CCNY: variants seen among roughly 807,000 people sequenced by gnomAD.
The protein encoded by CCNY is cyclin Y.
In CCNY, 19 loss-of-function variants were observed where a neutral mutation model predicts 42.8. The observed-to-expected ratio is 0.44, with a 90% CI of 0.31 to 0.65. CCNY has a LOEUF of 0.65. Among genes scored for constraint, CCNY ranks in the 30% least tolerant of loss-of-function variants. The probability of loss-of-function intolerance (pLI) is 0.07; values close to 1 mark genes in which losing one functional copy is unlikely to be tolerated. For missense variants in CCNY, 370 were observed against 437.3 expected (o/e 0.85, Z 1.37); for synonymous variants, 165 against 162.7 (o/e 1.01, Z -0.11).
rs558397935 is a variant in CCNY at position 35,518,582 on chromosome 10, T to C, written c.365+1959T>C. On this transcript the variant is annotated intron_variant, in intron 4 of 9. Coordinates refer to ENST00000374704, the MANE Select transcript of CCNY (RefSeq NM_145012.6). ...AGATCTTGATTGAATCTGGCTGAGG[T>C]ATGCTGTGAGTATCTGGATTTTTAA... is the stretch of plus-strand genomic sequence containing the variant. Among the ~76,000 whole-genome samples, 639 of 117,012 alleles carry C rather than the reference T, an allele frequency of 5.5e-3. 1 individual carries two copies. The highest frequency in any genetic ancestry group is 8.9e-3 in the Admixed American group (108 of 12,128). 76.8% of individuals were successfully genotyped at this position (117,012 alleles called of 152,430 possible). A position where few individuals can be genotyped will look rare whatever the true frequency, so the allele number is the denominator to read the frequency against.
chr10:35,273,361 C>T (rs1486509725), intron 3 of CCNY, among the ~76,000 whole-genome samples: 1 of 152,004 alleles, frequency 6.6e-6, no homozygotes, highest in East Asian at 1.9e-4. Context: ...ACCACCATGC[C>T]CGGCTCATTT....
intron 3 of CCNY, among the ~76,000 whole-genome samples, chr10:35,290,426 A>T (rs569125828): frequency 2.0e-5 from 3 of 152,250 alleles, no homozygotes; most frequent in African/African-American, 7.2e-5. Context: ...AAAAAAAAAA[A>T]AATCATAAAA....
At chr10:35,254,991 G>A (rs2095714494) in intron 3 of CCNY, among the ~76,000 whole-genome samples, 1 of 152,128 alleles carries the variant, frequency 6.6e-6, no homozygotes, top group Non-Finnish European at 1.5e-5. Flanking sequence ...TCGACTGTTG[G>A]GTTGTGGCCT....
rs575541851 is a variant in CCNY, at chr10:35,415,228, G to A, written c.155-68176G>A. Among the ~76,000 whole-genome samples the A allele has an allele frequency of 9.5e-4, 144 of 152,250 alleles. 1 individual carries two copies. The South Asian group carries it at 0.012, about 13-fold the overall frequency. ...TGGTCCTCAGAGGAGATGGAGCCCA[G>A]TCCTCAGGGCAGAAAGACTTTTGGG... is the stretch of plus-strand genomic sequence containing the variant. On this transcript the variant is annotated intron_variant, in intron 1 of 9. Coordinates refer to ENST00000374704, the MANE Select transcript of CCNY (RefSeq NM_145012.6).
At chr10:35,463,636 C>T (rs964211946) in intron 1 of CCNY, among the ~76,000 whole-genome samples, 1 of 152,186 alleles carries the variant, frequency 6.6e-6, no homozygotes, top group Non-Finnish European at 1.5e-5. Context: ...AAACAACTGT[C>T]AGGCAGAACT....
intron 3 of CCNY, among the ~76,000 whole-genome samples, chr10:35,259,303 T>C (rs2095717688): frequency 6.6e-6 from 1 of 152,032 alleles, no homozygotes; most frequent in Non-Finnish European, 1.5e-5. Flanking sequence ...GGCCTTGACT[T>C]CCTAGGGTCA....
chr10:35,386,303 T>C (rs1837299041), intron 1 of CCNY, among the ~76,000 whole-genome samples: 2 of 152,210 alleles, frequency 1.3e-5, no homozygotes, highest in South Asian at 4.1e-4. Context: ...AGGTCCAGAA[T>C]GGAAAGGGAT....
rs368794235 is a variant in CCNY at position 35,277,197 on chromosome 10, G to A, written c.-9+26571G>A. ...ACTGGTCTTGTTGCCAGGAGAGGAA[G>A]AGAGGGTGATCCTGAGGGTTGCAAC... On this transcript the variant is annotated intron_variant, in intron 3 of 11. Coordinates refer to the CCNY transcript ENST00000374706. Among the ~76,000 whole-genome samples the A allele has an allele frequency of 1.6e-4, 25 of 152,344 alleles. No individual in the cohort carries two copies. In the East Asian group the frequency reaches 3.3e-3, roughly 20 times the overall value.
At chr10:35,466,284 G>A (rs945275910) in intron 1 of CCNY, among the ~76,000 whole-genome samples, 2 of 152,112 alleles carry the variant, frequency 1.3e-5, no homozygotes, top group Non-Finnish European at 2.9e-5. Context: ...TGACACTTGA[G>A]GTGAGAGCCA....
chr10:35,458,680 A>G (rs1186131212), intron 1 of CCNY, among the ~76,000 whole-genome samples: 1 of 152,206 alleles, frequency 6.6e-6, no homozygotes, highest in East Asian at 1.9e-4. Flanking sequence ...CCGCATCTGT[A>G]GCCTCAGCTG....
At chr10:35,332,601 A>G (rs1168649193), upstream of CCNY, among the ~76,000 whole-genome samples, 2 of 152,206 alleles carry the variant, frequency 1.3e-5, no homozygotes, top group Non-Finnish European at 2.9e-5. Context: ...TGACTTAGCT[A>G]TAGTTCATCT....
At chr10:35,362,923 C>T (rs778920678) in intron 1 of CCNY, among the ~76,000 whole-genome samples, 11 of 151,054 alleles carry the variant, frequency 7.3e-5, no homozygotes, top group Non-Finnish European at 1.2e-4. Context: ...CGGACAGAGG[C>T]GATCCTCACT....
chr10:35,474,949 T>TAA (rs938455329), intron 1 of CCNY, among the ~76,000 whole-genome samples: 2 of 151,064 alleles, frequency 1.3e-5, no homozygotes, highest in Non-Finnish European at 3.0e-5. Flanking sequence ...GAGAAGTGCT[T>TAA]AAAGGAGCTG....
chr10:35,314,089 A>G (rs1835724324), intron 3 of CCNY, among the ~76,000 whole-genome samples: 1 of 152,128 alleles, frequency 6.6e-6, no homozygotes, highest in African/African-American at 2.4e-5. Context: ...CTGGAAAGAT[A>G]AACAGAAAAA....
intron 1 of CCNY, among the ~76,000 whole-genome samples, chr10:35,372,004 C>A (rs1306757471): frequency 6.6e-6 from 1 of 152,178 alleles, no homozygotes; most frequent in Non-Finnish European, 1.5e-5. Flanking sequence ...ATAAAGGATG[C>A]AGCAACAAGG....
chr10:35,519,609 G>A (rs1329972626), intron 4 of CCNY, among the ~76,000 whole-genome samples: 3 of 151,804 alleles, frequency 2.0e-5, no homozygotes, highest in Non-Finnish European at 2.9e-5. Context: ...CTGCGGGTTA[G>A]AATGTAGAGA....
At chr10:35,500,465 A>C (rs953276959) in intron 2 of CCNY, among the ~76,000 whole-genome samples, 4 of 152,180 alleles carry the variant, frequency 2.6e-5, no homozygotes, top group Non-Finnish European at 5.9e-5. Context: ...GCTTTTGAAA[A>C]CAGTAGTGAA....
chr10:35,374,157 CCCTTT>C (rs1351875824), intron 1 of CCNY, among the ~76,000 whole-genome samples: 4 of 152,158 alleles, frequency 2.6e-5, no homozygotes, highest in African/African-American at 9.7e-5. Context: ...ATATTTTTGG[CCCTTT>C]CCTTTGTAGA....
At chr10:35,266,849 C>T (rs1208481121) in intron 3 of CCNY, among the ~76,000 whole-genome samples, 5 of 151,954 alleles carry the variant, frequency 3.3e-5, no homozygotes, top group African/African-American at 4.8e-5. Flanking sequence ...TTTGGAAGGC[C>T]GAGGCAGGTG....
Sources: allele counts gnomAD v4.1 joint callset (sites outside exome capture counted in the v4.1 genomes callset), GRCh38; gene constraint gnomAD v4.1.1; transcripts MANE v1.5; gene names NCBI Gene and HGNC (gene_info 2026-07-23, HGNC 2026-07-21).